ZC3H11A: variants seen among roughly 807,000 people sequenced by gnomAD.
The protein encoded by ZC3H11A is zinc finger CCCH-type containing 11A, also known as zinc finger CCCH domain-containing protein 11A.
Under a neutral mutation model 90.8 loss-of-function variants are expected in ZC3H11A, and 22 were observed. That is an observed-to-expected ratio of 0.24 (90% confidence interval 0.17 to 0.35). The LOEUF (loss-of-function observed/expected upper bound fraction) is 0.35, where lower values mean the gene tolerates loss of function less well. Ranked by LOEUF, ZC3H11A falls within the 10% of genes least tolerant of loss-of-function variation. ZC3H11A has a pLI of 1.00. For missense variants in ZC3H11A, 701 were observed against 964.9 expected, an observed-to-expected ratio of 0.73 and a Z score of 3.62; for synonymous variants, 294 against 339.8, an observed-to-expected ratio of 0.87 and a Z score of 1.48.
intron 2 of ZC3H11A, among the ~76,000 whole-genome samples, chr1:203,812,285 C>T (rs962459369): frequency 3.3e-5 from 5 of 152,136 alleles, no homozygotes; most frequent in African/African-American, 1.2e-4. Context: ...CACCTTCTAC[C>T]TTCTGATAGG....
intron 3 of ZC3H11A, among the ~76,000 whole-genome samples, chr1:203,817,518 G>C (rs552982630): frequency 1.9e-4 from 28 of 146,590 alleles, no homozygotes; most frequent in Middle Eastern, 7.3e-3. Flanking sequence ...AACTGTCATG[G>C]GTTGAATTTG....
At position 203,837,984 on chromosome 1, in the gene ZC3H11A, C is replaced by T; in HGVS notation, c.893C>T (p.Pro298Leu). Residue 298 changes from proline to leucine, a missense_variant, in exon 11 of 18, where the codon CCA (proline) becomes CTA (leucine). Pro to Leu is a moderately conservative substitution (Grantham distance 98). Coordinates refer to ENST00000367210, the MANE Select transcript of ZC3H11A (RefSeq NM_001376342.1). ...TTTATAGGCGGTGACAGTGATCCTC[C>T]ATTAAAGCGTAGCCTGGCACAGAGG... ...KFSAGGDSDPPLKRSLAQRLG... is the reference protein window; with the variant it reads ...KFSAGGDSDPLLKRSLAQRLG... 1 of 1,613,860 alleles carries T rather than the reference C, an allele frequency of 6.2e-7. No homozygotes were observed. Among genetic ancestry groups the T allele is most frequent in the Non-Finnish European group, 8.5e-7 (1 of 1,179,954 alleles).
chr1:203,812,283 A>G (rs1034602206), intron 2 of ZC3H11A, among the ~76,000 whole-genome samples: 2 of 151,932 alleles, frequency 1.3e-5, no homozygotes, highest in East Asian at 1.9e-4. Flanking sequence ...CCCACCTTCT[A>G]CCTTCTGATA....
At position 203,799,199 on chromosome 1, in the gene ZC3H11A, C is replaced by T. The variant is rs191991889; in HGVS notation, c.-1587-2376C>T. On this transcript the variant is annotated intron_variant, in intron 1 of 17. Transcript: ENST00000367210. ...TTTCTCCAAATTTCCTTATCCCTAGCTTCATTGTTTCTGACAATTCCTCTA... is the reference window on the plus strand; with the variant it reads ...TTTCTCCAAATTTCCTTATCCCTAGTTTCATTGTTTCTGACAATTCCTCTA... 7.5e-5 allele frequency: 85 copies of T among 1,138,514 alleles called. 1 individual carries two copies. The African/African-American group carries it at 1.1e-3, about 14-fold the overall frequency. The allele number at this position is 1,138,514 out of a possible 1,614,324, so 70.5% of individuals were successfully genotyped here.
chr1:203,814,570 ATCC>A (rs1675616260), intron 2 of ZC3H11A, among the ~76,000 whole-genome samples: 1 of 152,006 alleles, frequency 6.6e-6, no homozygotes, highest in African/African-American at 2.4e-5. Flanking sequence ...CAATAACACG[ATCC>A]TAATTTCTGA....
chr1:203,838,679 G>A (rs536853732), intron 11 of ZC3H11A, among the ~76,000 whole-genome samples: 1 of 152,258 alleles, frequency 6.6e-6, no homozygotes, highest in Admixed American at 6.5e-5. Flanking sequence ...GGCCGGGCAC[G>A]GTAGGTCATG....
intron 2 of ZC3H11A, among the ~76,000 whole-genome samples, chr1:203,811,537 CTT>C (rs1462682655): frequency 6.6e-6 from 1 of 152,074 alleles, no homozygotes; most frequent in East Asian, 1.9e-4. Flanking sequence ...GAGGCAGAAT[CTT>C]GCTCTGTTGC....
intron 4 of ZC3H11A, among the ~76,000 whole-genome samples, chr1:203,827,969 CATAAT>C (rs1681105099): frequency 6.6e-6 from 1 of 152,180 alleles, no homozygotes. Flanking sequence ...CAATAAGTAA[CATAAT>C]AGAGATTCAG....
chr1:203,825,076 C>CAAAA (rs61108073), intron 4 of ZC3H11A, among the ~76,000 whole-genome samples: 5 of 108,922 alleles, frequency 4.6e-5, no homozygotes, highest in East Asian at 2.6e-4. Flanking sequence ...GACTCCGTCT[C>CAAAA]AAAAAAAAAA....
chr1:203,832,288 C>T (rs967486670), intron 9 of ZC3H11A, among the ~76,000 whole-genome samples: 1 of 151,472 alleles, frequency 6.6e-6, no homozygotes, highest in African/African-American at 2.4e-5. Context: ...CTCAAACTCC[C>T]GACCTCAGGT....
Position 203,840,290 on chromosome 1 carries a change from A to G in ZC3H11A, c.974-16A>G, listed in dbSNP as rs766507713. ...TCTGTTCAACTTTTGATTTTTGAAAATCTTTCTTTTCACAGCTCAAGTTTC... is the reference window on the plus strand; with the variant it reads ...TCTGTTCAACTTTTGATTTTTGAAAGTCTTTCTTTTCACAGCTCAAGTTTC... On this transcript the variant is annotated splice_polypyrimidine_tract_variant and intron_variant, in intron 11 of 17. Transcript: ENST00000367210. 4.3e-6 allele frequency: 7 copies of G among 1,611,194 alleles called. No homozygotes were observed. Among genetic ancestry groups the G allele is most frequent in the South Asian group, 1.1e-5 (1 of 90,744 alleles).
chr1:203,850,640 A>C lies in ZC3H11A; in HGVS notation c.2065A>C (p.Ser689Arg). The stretch of plus-strand genomic sequence containing the variant: ...TGCCGCTGTGAAGCCACTCAGCTCC[A>C]GCAGTGTCCTACAGGAACCCCCAGC... ...VIAAVKPLSSSSVLQEPPAKK... is the reference protein window; with the variant it reads ...VIAAVKPLSSRSVLQEPPAKK... Residue 689 changes from serine to arginine, a missense_variant, in exon 16 of 18, where the codon AGC becomes CGC. Coordinates refer to ENST00000367210, the MANE Select transcript of ZC3H11A (RefSeq NM_001376342.1). The C allele has an allele frequency of 6.2e-7, 1 of 1,614,204 alleles. No individual in the cohort carries two copies. The highest frequency in any genetic ancestry group is 8.5e-7 in the Non-Finnish European group (1 of 1,180,042).
At chr1:203,805,215 C>T (rs1195753770) in intron 2 of ZC3H11A, among the ~76,000 whole-genome samples, 1 of 150,158 alleles carries the variant, frequency 6.7e-6, no homozygotes, top group Non-Finnish European at 1.5e-5. Flanking sequence ...GCTCACTGGA[C>T]CTCCGCCTCC....
chr1:203,809,573 C>T (rs1486372469), intron 2 of ZC3H11A, among the ~76,000 whole-genome samples: 2 of 152,080 alleles, frequency 1.3e-5, no homozygotes, highest in East Asian at 3.9e-4. Context: ...TGTCCTTTTT[C>T]CTACATTAAC....
chr1:203,833,728 T>C (rs1683263522), intron 9 of ZC3H11A, 63 bp from the exon 10 acceptor site: 14 of 1,429,024 alleles, frequency 9.8e-6, no homozygotes, highest in Non-Finnish European at 1.3e-5. Flanking sequence ...TTGTACCCAT[T>C]AGTAGTTACT....
chr1:203,798,505 T>C (rs1035979106), intron 1 of ZC3H11A: 1 of 1,536,000 alleles, frequency 6.5e-7, no homozygotes, highest in Non-Finnish European at 8.7e-7. Context: ...AGTGGTGCTG[T>C]TGCAAATGGA....
intron 3 of ZC3H11A, among the ~76,000 whole-genome samples, chr1:203,817,576 T>G (rs1676776961): frequency 6.6e-6 from 1 of 152,020 alleles, no homozygotes; most frequent in Non-Finnish European, 1.5e-5. Context: ...GAATATAGAG[T>G]CATCATACTA....
intron 10 of ZC3H11A, among the ~76,000 whole-genome samples, chr1:203,837,630 A>G (rs1005539501): frequency 3.3e-5 from 5 of 151,936 alleles, no homozygotes; most frequent in Admixed American, 2.0e-4. Flanking sequence ...GTGTGCCACC[A>G]TGCCTGACTA....
chr1:203,805,682 C>G, intron 2 of ZC3H11A: 1 of 675,030 alleles, frequency 1.5e-6, no homozygotes, highest in Non-Finnish European at 2.8e-6. Flanking sequence ...GTTTTTGTGA[C>G]AGTGGGAACA....
Sources: allele counts gnomAD v4.1 joint callset (sites outside exome capture counted in the v4.1 genomes callset), GRCh38; gene constraint gnomAD v4.1.1; transcripts MANE v1.5; gene names NCBI Gene and HGNC (gene_info 2026-07-23, HGNC 2026-07-21).